KCNH3: variants seen among roughly 807,000 people sequenced by gnomAD.
KCNH3 encodes potassium voltage-gated channel subfamily H member 3, also known as voltage-gated inwardly rectifying potassium channel KCNH3.
A neutral mutation model predicts 95.6 loss-of-function variants in KCNH3; 36 were observed. That is an observed-to-expected ratio of 0.38 (90% CI 0.29 to 0.50). The LOEUF (loss-of-function observed/expected upper bound fraction) is 0.50. Ranked by LOEUF, KCNH3 falls within the 20% of genes least tolerant of loss-of-function variation. KCNH3 has a pLI of 0.95. For missense variants in KCNH3, 1,030 were observed against 1,484.1 expected, an observed-to-expected ratio of 0.69 and a Z score of 5.03; for synonymous variants, 620 against 646.3, an observed-to-expected ratio of 0.96 and a Z score of 0.62.
In KCNH3 at chr12:49,544,202, GTGCGCCTGC is replaced by G. The variant is rs767430415; in HGVS notation, c.1029_1037del (p.Arg344_Leu346del). The G allele has an allele frequency of 1.3e-4, 209 of 1,580,020 alleles. No homozygotes were observed. The highest frequency in any genetic ancestry group is 2.0e-4 in the South Asian group (18 of 88,812). On this transcript the variant is annotated inframe_deletion, in exon 7 of 15. Transcript: ENST00000257981. Reference sequence around the variant, plus strand: ...CTTCGGGGCCCATCTGCTGAAGACGGTGCGCCTGCTGCGCCTGCTGCGCCTGCTTCCGCG... The same window carrying G: ...CTTCGGGGCCCATCTGCTGAAGACGGTGCGCCTGCTGCGCCTGCTTCCGCG...
rs149749663 is a variant in KCNH3, at chr12:49,544,261, C to T, written c.1068C>T (p.Ser356=). ...LPRLDRYSQY[S]AVVLTLLMAV... is the part of the protein sequence containing the mutation. Reference sequence around the variant, plus strand: ...GGCTGGACCGGTACTCGCAGTACAGCGCCGTGGTGCTGACACTGCTCATGG... The same window carrying T: ...GGCTGGACCGGTACTCGCAGTACAGTGCCGTGGTGCTGACACTGCTCATGG... The change falls in exon 7 of 15, where the codon AGC becomes AGT. Residue 356 remains serine, a synonymous_variant. Transcript: ENST00000257981. 193 of 1,606,848 alleles carry T rather than the reference C, an allele frequency of 1.2e-4. 1 individual carries two copies. In the African/African-American group the frequency reaches 2.2e-3, roughly 18 times the overall value.
intron 9 of KCNH3, 32 bp from the exon 10 acceptor site, chr12:49,550,048 A>ACCCCCCCCCCC: frequency 3.0e-5 from 24 of 800,658 alleles, no homozygotes; most frequent in South Asian, 6.0e-5. Context: ...GCCACTCCCA[A>ACCCCCCCCCCC]CCCCCCCACC....
rs578063285 is a variant in KCNH3, at chr12:49,554,925, CCT to C, written c.2136+372_2136+373del. On this transcript the variant is annotated intron_variant, in intron 11 of 14. Coordinates refer to ENST00000257981, the MANE Select transcript of KCNH3 (RefSeq NM_012284.3). ...GCTTCTGAAGAGAGCCTGGTGGCCC[CCT>C]GTGTTTTTTCATGGTGAAACAGGAT... Among the ~76,000 whole-genome samples, 288 of 152,230 alleles carry C rather than the reference CCT, an allele frequency of 1.9e-3. 1 individual carries two copies. Among genetic ancestry groups the C allele is most frequent in the African/African-American group, 5.9e-3 (245 of 41,538 alleles).
rs1742806316 is a variant in KCNH3, at chr12:49,539,652, C to T, written c.76+160C>T. On this transcript the variant is annotated intron_variant, in intron 1 of 14. Coordinates refer to ENST00000257981, the MANE Select transcript of KCNH3 (RefSeq NM_012284.3). The surrounding 1 kb of genome is among the most constrained non-coding windows in gnomAD (Gnocchi z 6.7). ...GCTGGGGCCATCGTCTCCTGCTAGG[C>T]GCTGTTTCCCCGAAGGTTCGAAGGT... is the stretch of plus-strand genomic sequence containing the variant. Among the ~76,000 whole-genome samples, 1 of 152,178 alleles carries T rather than the reference C, an allele frequency of 6.6e-6. No individual in the cohort carries two copies. Among genetic ancestry groups the T allele is most frequent in the Non-Finnish European group, 1.5e-5 (1 of 68,042 alleles).
rs967342283 is a variant in KCNH3 at position 49,558,153 on chromosome 12, C to T, written c.*200C>T. 38 of 483,828 alleles carry T rather than the reference C, an allele frequency of 7.9e-5. No individual in the cohort carries two copies. Among genetic ancestry groups the T allele is most frequent in the Non-Finnish European group, 1.1e-4 (32 of 298,654 alleles). 30.0% of individuals were successfully genotyped at this position (483,828 alleles called of 1,614,324 possible). ...TGGATCCCTGGGGCAGGCCTCTCCT[C>T]GGCCTGCTCCTCTGACCTCCCGGTC... On this transcript the variant is annotated 3_prime_UTR_variant, in exon 15 of 15. Coordinates refer to ENST00000257981, the MANE Select transcript of KCNH3 (RefSeq NM_012284.3).
intron 7 of KCNH3, among the ~76,000 whole-genome samples, chr12:49,548,129 T>TGTGTGTGC (rs1565777800): frequency 1.5e-5 from 2 of 134,904 alleles, no homozygotes. Flanking sequence ...TGTGTGTGTG[T>TGTGTGTGC]GTGTGCGCGC....
At position 49,541,715 on chromosome 12, in the gene KCNH3, C is replaced by T; in HGVS notation, c.396C>T (p.Asp132=). The part of the protein sequence containing the change: ...EVALFLVSHK[D]ISETKNRGGP... ...CTCTCTTCCTAGTCTCTCACAAGGA[C>T]ATCAGCGAAACCAAGAACCGAGGGG... Residue 132 remains aspartate, a synonymous_variant, in exon 3 of 15, where the codon GAC becomes GAT. Transcript: ENST00000257981. 1 of 1,614,234 alleles carries T rather than the reference C, an allele frequency of 6.2e-7. No homozygotes were observed. The highest frequency in any genetic ancestry group is 8.5e-7 in the Non-Finnish European group (1 of 1,180,042).
Position 49,557,850 on chromosome 12 carries a change from G to A in KCNH3, c.3149G>A (p.Gly1050Asp). 1.3e-6 allele frequency: 2 copies of A among 1,589,704 alleles called. No individual in the cohort carries two copies. Among genetic ancestry groups the A allele is most frequent in the Non-Finnish European group, 1.7e-6 (2 of 1,166,182 alleles). ...STGEPPPGSG[G>D]LALPWDPHSL... Reference sequence around the variant, plus strand: ...GGAGAGCCCCCACCAGGGTCAGGGGGCCTGGCCTTGCCCTGGGACCCCCAC... The same window carrying A: ...GGAGAGCCCCCACCAGGGTCAGGGGACCTGGCCTTGCCCTGGGACCCCCAC... Residue 1050 changes from glycine to aspartate, a missense_variant, in exon 15 of 15, where the codon GGC (glycine) becomes GAC (aspartate). Coordinates refer to ENST00000257981, the MANE Select transcript of KCNH3 (RefSeq NM_012284.3).
intron 9 of KCNH3, 87 bp downstream of exon 9, chr12:49,549,727 A>G: frequency 3.0e-6 from 4 of 1,345,716 alleles, no homozygotes; most frequent in Non-Finnish European, 4.1e-6. Flanking sequence ...GGGGAGGATG[A>G]ATGCAGAATT....
intron 8 of KCNH3, 54 bp from the exon 9 acceptor site, chr12:49,549,387 G>T: frequency 6.3e-7 from 1 of 1,582,638 alleles, no homozygotes; most frequent in Non-Finnish European, 8.7e-7. Flanking sequence ...GCCCAGCGTG[G>T]TGTCAGGCCG....
chr12:49,557,016 C>T (rs1007035011), intron 13 of KCNH3, among the ~76,000 whole-genome samples, 167 bp from the exon 14 acceptor site: 1 of 152,090 alleles, frequency 6.6e-6, no homozygotes, highest in Non-Finnish European at 1.5e-5. Flanking sequence ...TTCCCTGCCC[C>T]TGGAAGTTTG....
chr12:49,540,658 G>A (rs564998743), intron 1 of KCNH3, among the ~76,000 whole-genome samples: 1 of 152,330 alleles, frequency 6.6e-6, no homozygotes, highest in East Asian at 1.9e-4. Context: ...CCCGCACAGC[G>A]CTTCATTCAC....
At chr12:49,545,434 T>C (rs1161174867) in intron 7 of KCNH3, among the ~76,000 whole-genome samples, 6 of 129,926 alleles carry the variant, frequency 4.6e-5, no homozygotes, top group African/African-American at 1.2e-4. Flanking sequence ...GAGCTGTCAC[T>C]CAGGCTGGAG....
At chr12:49,543,837 G>T in intron 5 of KCNH3, 78 bp from the exon 6 acceptor site, 1 of 1,543,178 alleles carries the variant, frequency 6.5e-7, no homozygotes, top group East Asian at 2.3e-5. Flanking sequence ...GTCAACTACT[G>T]AGAAAGTGAG....
At position 49,557,541 on chromosome 12, in the gene KCNH3, A is replaced by G; in HGVS notation, c.2840A>G (p.Tyr947Cys). ...PLCVDTGASSYCLQPPAGSVL... is the reference protein window; with the variant it reads ...PLCVDTGASSCCLQPPAGSVL... The stretch of plus-strand genomic sequence containing the variant: ...TGTGTGGACACTGGGGCATCCTCCT[A>G]CTGCCTGCAGCCCCCAGCTGGCTCT... Residue 947 changes from tyrosine to cysteine, a missense_variant, in exon 15 of 15, where the codon TAC becomes TGC. Tyr to Cys is a radical substitution (Grantham distance 194). Transcript: ENST00000257981. The G allele has an allele frequency of 1.2e-6, 2 of 1,611,540 alleles. No homozygotes were observed. Among genetic ancestry groups the G allele is most frequent in the Middle Eastern group, 1.7e-4 (1 of 6,058 alleles).
chr12:49,543,617 T>A, intron 5 of KCNH3, 99 bp downstream of exon 5: 1 of 1,439,136 alleles, frequency 6.9e-7, no homozygotes, highest in Non-Finnish European at 9.3e-7. Context: ...AGTGCCCCCC[T>A]CGCTCTCTCT....
chr12:49,556,673 C>A (rs1938462169), intron 13 of KCNH3, 197 bp downstream of exon 13: 2 of 699,858 alleles, frequency 2.9e-6, no homozygotes, highest in East Asian at 2.7e-5. Context: ...TTCGACGCAG[C>A]CAGGAACTGG....
At chr12:49,541,877 C>A in intron 3 of KCNH3, 113 bp downstream of exon 3, 2 of 1,145,364 alleles carry the variant, frequency 1.7e-6, no homozygotes, top group Non-Finnish European at 2.5e-6. Flanking sequence ...CATTTCACTC[C>A]CACTCAGGCT....
At position 49,555,683 on chromosome 12, in the gene KCNH3, G is replaced by C; in HGVS notation, c.2200G>C (p.Asp734His). 1 of 1,605,470 alleles carries C rather than the reference G, an allele frequency of 6.2e-7. No homozygotes were observed. Among genetic ancestry groups the C allele is most frequent in the Admixed American group, 1.7e-5 (1 of 59,326 alleles). The change falls in exon 12 of 15, where the codon GAT becomes CAT. Residue 734 changes from aspartate to histidine, a missense_variant. Asp to His is a moderately conservative substitution (Grantham distance 81, BLOSUM62 -1). Transcript: ENST00000257981. Reference protein sequence around the residue: ...LMSTLEEKETDGEQGPTVSPA... With the variant: ...LMSTLEEKETHGEQGPTVSPA... ...GTCCACGCTGGAGGAGAAGGAGACA[G>C]ATGGGGAGCAGGGCCCCACGGTCTC...
Sources: allele counts gnomAD v4.1 joint callset (sites outside exome capture counted in the v4.1 genomes callset), GRCh38; gene constraint gnomAD v4.1.1; non-coding constraint Gnocchi (gnomAD v3.1); transcripts MANE v1.5; gene names NCBI Gene and HGNC (gene_info 2026-07-23, HGNC 2026-07-21).